The following MAPK10 variants were observed in gnomAD, a reference collection of about 807,000 sequenced individuals.
MAPK10 encodes the protein JNK3 alpha protein kinase.
A neutral mutation model predicts 59.3 loss-of-function variants in MAPK10; 25 were observed. The observed-to-expected ratio is 0.42, with a 90% CI of 0.31 to 0.59. The LOEUF (loss-of-function observed/expected upper bound fraction) is 0.59. Ranked by LOEUF, MAPK10 falls within the 20% of genes least tolerant of loss-of-function variation. The probability of loss-of-function intolerance (pLI) is 0.15; values close to 1 mark genes in which losing one functional copy is unlikely to be tolerated. For synonymous variants in MAPK10, 190 were observed against 200.5 expected, an observed-to-expected ratio of 0.95 and a Z score of 0.44; for missense variants, 351 against 568.9, an observed-to-expected ratio of 0.62 and a Z score of 3.90.
intron 3 of MAPK10, among the ~76,000 whole-genome samples, chr4:86,191,005 C>T (rs947795313): frequency 5.3e-5 from 8 of 152,088 alleles, no homozygotes; most frequent in African/African-American, 1.9e-4. Flanking sequence ...GTTATTTACC[C>T]AGTAGTCATT....
chr4:86,401,219 C>A (rs753568152), intron 1 of MAPK10, among the ~76,000 whole-genome samples: 1 of 152,032 alleles, frequency 6.6e-6, no homozygotes, highest in Non-Finnish European at 1.5e-5. Context: ...TATCACTGGA[C>A]TCCTGTATAT....
chr4:86,019,375 C>G (rs1202064290), intron 13 of MAPK10, among the ~76,000 whole-genome samples: 1 of 152,004 alleles, frequency 6.6e-6, no homozygotes, highest in African/African-American at 2.4e-5. Context: ...TTTTTAAAGT[C>G]CTCCTGTTAT....
At chr4:86,539,098 A>C (rs1440134431) in intron 1 of MAPK10, among the ~76,000 whole-genome samples, 1 of 152,174 alleles carries the variant, frequency 6.6e-6, no homozygotes, top group Non-Finnish European at 1.5e-5. Flanking sequence ...TGCAAACTGA[A>C]GAGCCTCTTG....
intron 4 of MAPK10, among the ~76,000 whole-genome samples, chr4:86,122,078 A>G (rs2059349252): frequency 6.6e-6 from 1 of 152,106 alleles, no homozygotes; most frequent in Non-Finnish European, 1.5e-5. Flanking sequence ...TTATTAACTG[A>G]GAAAAATGGG....
chr4:86,488,230 A>G (rs758000189), intron 1 of MAPK10, among the ~76,000 whole-genome samples: 3 of 152,216 alleles, frequency 2.0e-5, no homozygotes, highest in Admixed American at 1.3e-4. Flanking sequence ...AGCAAGCACA[A>G]TTCAGTAATA....
upstream of MAPK10, chr4:86,360,224 T>A: frequency 1.0e-6 from 1 of 985,690 alleles, no homozygotes; most frequent in African/African-American, 1.7e-5. Flanking sequence ...TCCGGTGAAA[T>A]GAGGACCAGG....
chr4:86,102,040 G>C lies in MAPK10; in HGVS notation c.426-8C>G, dbSNP rs1272497504. The C allele has an allele frequency of 6.2e-7, 1 of 1,612,960 alleles. No individual in the cohort carries two copies. Among genetic ancestry groups the C allele is most frequent in the Non-Finnish European group, 8.5e-7 (1 of 1,179,202 alleles). On this transcript the variant is annotated splice_polypyrimidine_tract_variant and splice_region_variant and intron_variant, in intron 6 of 13. Coordinates refer to ENST00000641462, the MANE Select transcript of MAPK10 (RefSeq NM_138982.4). ...AGTTCCATTACTAAGTAACTAGAAG[G>C]GTGAATCCACAGTGTTAGTTCCAGA...
intron 3 of MAPK10, among the ~76,000 whole-genome samples, chr4:86,165,543 ATTTTTTTTTTTTTTTTTTTTT>A (rs10525325): frequency 3.2e-3 from 182 of 57,316 alleles, no homozygotes; most frequent in African/African-American, 5.3e-3. Flanking sequence ...CTCCCAGATA[ATTTTTTTTTTTTTTTTTTTTT>A]TTTTTTTTTT....
intron 1 of MAPK10, among the ~76,000 whole-genome samples, chr4:86,556,760 C>G (rs751743916): frequency 2.6e-5 from 4 of 152,074 alleles, no homozygotes; most frequent in African/African-American, 4.8e-5. Flanking sequence ...AAAAGGGTAA[C>G]TAAACCAAAT....
chr4:86,015,026 A>G lies in MAPK10; in HGVS notation c.*2202T>C, dbSNP rs1018046739. 2 of 149,802 alleles carry G rather than the reference A, an allele frequency of 1.3e-5. No individual in the cohort carries two copies. The highest frequency in any genetic ancestry group is 2.5e-5 in the African/African-American group (1 of 40,228). 9.3% of individuals were successfully genotyped at this position (149,802 alleles called of 1,614,324 possible). ...AAGTTTTTAAAAAAAAAAAAAAAAA[A>G]CAGGAATATGAAAGAGAGGGAGCTC... On this transcript the variant is annotated 3_prime_UTR_variant, in exon 14 of 14. Transcript: ENST00000641462.
intron 2 of MAPK10, among the ~76,000 whole-genome samples, chr4:86,216,327 T>C (rs1261932655): frequency 3.4e-5 from 5 of 148,072 alleles, no homozygotes; most frequent in Admixed American, 6.8e-5. Context: ...TAGCCACATA[T>C]ATACACACAA....
chr4:86,070,972 C>T (rs1386817043), intron 9 of MAPK10, among the ~76,000 whole-genome samples: 3 of 152,062 alleles, frequency 2.0e-5, no homozygotes, highest in Admixed American at 2.0e-4. Context: ...GCCACACTGA[C>T]TTCCACAATG....
intron 2 of MAPK10, among the ~76,000 whole-genome samples, chr4:86,266,580 G>T (rs982636813): frequency 6.6e-6 from 1 of 151,780 alleles, no homozygotes; most frequent in African/African-American, 2.4e-5. Context: ...AGTAGCAATT[G>T]GTACACATCA....
intron 2 of MAPK10, among the ~76,000 whole-genome samples, chr4:86,248,040 C>T (rs1182360150): frequency 6.6e-6 from 1 of 152,158 alleles, no homozygotes; most frequent in Non-Finnish European, 1.5e-5. Flanking sequence ...GTTAACAGAG[C>T]TAAATAAAGA....
intron 2 of MAPK10, among the ~76,000 whole-genome samples, chr4:86,236,993 C>T (rs2092298169): frequency 6.6e-6 from 1 of 152,080 alleles, no homozygotes; most frequent in Non-Finnish European, 1.5e-5. Flanking sequence ...CCCCTAGACC[C>T]CCCATCCCCC....
At chr4:86,513,417 T>A (rs1756428191) in intron 1 of MAPK10, among the ~76,000 whole-genome samples, 1 of 152,210 alleles carries the variant, frequency 6.6e-6, no homozygotes, top group Non-Finnish European at 1.5e-5. Context: ...GATCACTCTC[T>A]GCTTTCATTA....
At chr4:86,205,933 A>G (rs962939567) in intron 2 of MAPK10, among the ~76,000 whole-genome samples, 1 of 152,062 alleles carries the variant, frequency 6.6e-6, no homozygotes, top group Admixed American at 6.6e-5. Flanking sequence ...GTCTGCCATC[A>G]TTGTTTCTAT....
At chr4:86,020,579 GT>G (rs916183470) in intron 13 of MAPK10, 2 of 165,434 alleles carry the variant, frequency 1.2e-5, no homozygotes, top group African/African-American at 2.4e-5. Context: ...CTCGCGGTGA[GT>G]GTTACAGCTC....
At chr4:86,358,485 C>T in intron 1 of MAPK10, 1 of 480,376 alleles carries the variant, frequency 2.1e-6, no homozygotes, top group Non-Finnish European at 2.7e-6. Flanking sequence ...GGCAGGGCTG[C>T]TGTACAGACA....
Sources: gnomAD v4.1 joint callset for allele counts (sites outside exome capture counted in the v4.1 genomes callset) on GRCh38, gnomAD v4.1.1 for gene constraint, MANE v1.5 for transcripts, NCBI Gene and HGNC (gene_info 2026-07-23, HGNC 2026-07-21) for gene names.